The following KIT variants were observed in gnomAD, a reference collection of about 807,000 sequenced individuals.
The protein encoded by KIT is mast/stem cell growth factor receptor Kit.
KIT carries 16 observed loss-of-function variants against 105.7 expected under a neutral mutation model. The observed-to-expected ratio is 0.15, with a 90% CI of 0.10 to 0.23. The LOEUF (loss-of-function observed/expected upper bound fraction) is 0.23. KIT is among the 10% of genes least tolerant of loss of function. KIT has a pLI of 1.00. For missense variants in KIT, 858 were observed against 1,213.8 expected, an observed-to-expected ratio of 0.71 and a Z score of 4.36; for synonymous variants, 438 against 441.1, an observed-to-expected ratio of 0.99 and a Z score of 0.09.
At chr4:54,725,627 T>G (rs1236836974) in intron 8 of KIT, among the ~76,000 whole-genome samples, 2 of 152,158 alleles carry the variant, frequency 1.3e-5, no homozygotes, top group African/African-American at 4.8e-5. Context: ...TAAAAACTCA[T>G]CAGGATTCAA....
At chr4:54,664,074 G>T (rs1318866791) in intron 1 of KIT, among the ~76,000 whole-genome samples, 2 of 152,176 alleles carry the variant, frequency 1.3e-5, no homozygotes, top group African/African-American at 4.8e-5. Flanking sequence ...CTTAAATCTT[G>T]ATGGGCAGGT....
intron 5 of KIT, 96 bp from the exon 6 acceptor site, chr4:54,707,002 C>G (rs1720830302): frequency 1.4e-6 from 1 of 714,402 alleles, no homozygotes; most frequent in South Asian, 1.7e-5. Context: ...TACTGGAAAT[C>G]AACCAATTGT....
At chr4:54,727,570 T>C (rs2109777881) in intron 11 of KIT, 28 bp downstream of exon 11, 1 of 1,613,956 alleles carries the variant, frequency 6.2e-7, no homozygotes, top group Non-Finnish European at 8.5e-7. Flanking sequence ...GCTTTCCATG[T>C]CACCTTTTTG....
At chr4:54,676,417 G>A (rs1327741145) in intron 1 of KIT, among the ~76,000 whole-genome samples, 5 of 152,220 alleles carry the variant, frequency 3.3e-5, no homozygotes, top group Admixed American at 1.3e-4. Context: ...TAAAGCCCTC[G>A]TGGATTCTTC....
At chr4:54,722,918 A>C (rs1721986845) in intron 7 of KIT, among the ~76,000 whole-genome samples, 1 of 145,472 alleles carries the variant, frequency 6.9e-6, no homozygotes, top group Admixed American at 6.9e-5. Context: ...TTCATAATAT[A>C]CATAAATATA....
chr4:54,708,763 C>T (rs1437961946), intron 6 of KIT, among the ~76,000 whole-genome samples: 1 of 152,056 alleles, frequency 6.6e-6, no homozygotes, highest in African/African-American at 2.4e-5. Context: ...CCATGTGGAT[C>T]GTGTGGGTCG....
chr4:54,664,670 C>T (rs1031519490), intron 1 of KIT, among the ~76,000 whole-genome samples: 4 of 151,716 alleles, frequency 2.6e-5, no homozygotes, highest in Non-Finnish European at 4.4e-5. Context: ...TGCAGTGGCA[C>T]GATCATAGTT....
intron 1 of KIT, among the ~76,000 whole-genome samples, chr4:54,671,217 T>C (rs1170735384): frequency 1.3e-5 from 2 of 152,206 alleles, no homozygotes; most frequent in Non-Finnish European, 2.9e-5. Flanking sequence ...AATTGAGAAC[T>C]GACACCATTG....
chr4:54,736,042 C>A (rs1722905610), intron 17 of KIT, among the ~76,000 whole-genome samples: 1 of 152,180 alleles, frequency 6.6e-6, no homozygotes, highest in South Asian at 2.1e-4. Flanking sequence ...CTATACAGCA[C>A]TTACAACTTA....
chr4:54,666,027 T>TC (rs1717661889), intron 1 of KIT, among the ~76,000 whole-genome samples: 1 of 152,148 alleles, frequency 6.6e-6, no homozygotes, highest in Admixed American at 6.5e-5. Flanking sequence ...TTTTTGTTTT[T>TC]CTCAGAATAA....
chr4:54,739,494 C>G lies in KIT; in HGVS notation c.*937C>G. 1 of 233,484 alleles carries G rather than the reference C, an allele frequency of 4.3e-6. No homozygotes were observed. Among genetic ancestry groups the G allele is most frequent in the Non-Finnish European group, 8.5e-6 (1 of 117,884 alleles). 14.5% of individuals were successfully genotyped at this position (233,484 alleles called of 1,614,324 possible). A position where few individuals can be genotyped will look rare whatever the true frequency, so the allele number is the denominator to read the frequency against. On this transcript the variant is annotated 3_prime_UTR_variant, in exon 21 of 21. Coordinates refer to ENST00000288135, the MANE Select transcript of KIT (RefSeq NM_000222.3). Reference sequence around the variant, plus strand: ...CTATCAGCTTCAGAATGGCATTGTACTCAATGGATTTGATGCTGTTTGACA... The same window carrying G: ...CTATCAGCTTCAGAATGGCATTGTAGTCAATGGATTTGATGCTGTTTGACA...
In KIT at chr4:54,695,687, A is replaced by G. The variant is rs750916458; in HGVS notation, c.243A>G (p.Glu81=). The part of the protein sequence containing the change: ...LDETNENKQN[E]WITEKAEATN... ...AAACGAATGAGAATAAGCAGAATGAATGGATCACGGAAAAGGCAGAAGCCA... is the reference window on the plus strand; with the variant it reads ...AAACGAATGAGAATAAGCAGAATGAGTGGATCACGGAAAAGGCAGAAGCCA... The change falls in exon 2 of 21, where the codon GAA becomes GAG. Residue 81 remains glutamate, a synonymous_variant. Transcript: ENST00000288135. 6.2e-7 allele frequency: 1 copy of G among 1,614,256 alleles called. No homozygotes were observed. Among genetic ancestry groups the G allele is most frequent in the Non-Finnish European group, 8.5e-7 (1 of 1,180,046 alleles).
intron 1 of KIT, among the ~76,000 whole-genome samples, chr4:54,661,807 C>G (rs1467000782): frequency 6.6e-6 from 1 of 152,134 alleles, no homozygotes; most frequent in Non-Finnish European, 1.5e-5. Flanking sequence ...CAGTGTAAAT[C>G]TTTGTTGTAC....
At chr4:54,682,425 GTCTTTTTTT>G (rs901920424) in intron 1 of KIT, among the ~76,000 whole-genome samples, 1 of 151,296 alleles carries the variant, frequency 6.6e-6, no homozygotes, top group Non-Finnish European at 1.5e-5. Context: ...AGATTTCTTT[GTCTTTTTTT>G]TCTTTTTTTT....
intron 1 of KIT, among the ~76,000 whole-genome samples, chr4:54,689,302 A>G (rs1355950835): frequency 6.6e-6 from 1 of 152,206 alleles, no homozygotes; most frequent in Non-Finnish European, 1.5e-5. Context: ...AAAATATCGA[A>G]TACAACTCCC....
At chr4:54,732,769 G>A (rs1251102200) in intron 16 of KIT, among the ~76,000 whole-genome samples, 3 of 152,146 alleles carry the variant, frequency 2.0e-5, no homozygotes, top group African/African-American at 7.2e-5. Flanking sequence ...TGAATTTTCA[G>A]TTTAAACAAT....
chr4:54,713,559 A>G (rs1430554163), intron 7 of KIT, among the ~76,000 whole-genome samples: 1 of 152,200 alleles, frequency 6.6e-6, no homozygotes, highest in East Asian at 1.9e-4. Context: ...TAATGAATGC[A>G]TAGTGTTTGT....
chr4:54,692,977 A>G (rs918377089), intron 1 of KIT, among the ~76,000 whole-genome samples: 7 of 152,062 alleles, frequency 4.6e-5, no homozygotes, highest in Non-Finnish European at 7.4e-5. Context: ...AACAATTTCC[A>G]CCCTCCTGTA....
chr4:54,701,695 G>A (rs1454499647), intron 4 of KIT, among the ~76,000 whole-genome samples: 1 of 152,120 alleles, frequency 6.6e-6, no homozygotes, highest in Non-Finnish European at 1.5e-5. Flanking sequence ...GAGTTCTGTT[G>A]TGGACTCTTG....
Sources: gnomAD v4.1 joint callset for allele counts (sites outside exome capture counted in the v4.1 genomes callset) on GRCh38, gnomAD v4.1.1 for gene constraint, MANE v1.5 for transcripts, NCBI Gene and HGNC (gene_info 2026-07-23, HGNC 2026-07-21) for gene names.